Variants in CNST observed in about 807,000 individuals in gnomAD.
CNST encodes consortin, connexin sorting protein.
In CNST, 39 loss-of-function variants were observed where a neutral mutation model predicts 72.4. The ratio of observed to expected loss-of-function variants is 0.54; its 90% CI spans 0.42 to 0.70. The LOEUF (loss-of-function observed/expected upper bound fraction) is 0.70. CNST is among the 30% of genes least tolerant of loss of function. The pLI is 0.00. For synonymous variants in CNST, 332 were observed against 320.1 expected (o/e 1.04, Z -0.40); for missense variants, 871 against 868.5 (o/e 1.00, Z -0.04).
At chr1:246,621,247 CAG>C (rs1247165227) in intron 2 of CNST, among the ~76,000 whole-genome samples, 180 bp from the exon 3 acceptor site, 2 of 152,138 alleles carry the variant, frequency 1.3e-5, no homozygotes, top group African/African-American at 4.8e-5. Context: ...TGTTATCAGA[CAG>C]AGTTTAATCA....
At chr1:246,596,434 T>C (rs908123082) in intron 2 of CNST, among the ~76,000 whole-genome samples, 1 of 151,996 alleles carries the variant, frequency 6.6e-6, no homozygotes, top group African/African-American at 2.4e-5. Context: ...TTTTTCACTG[T>C]AGTTAAAATG....
At chr1:246,661,471 A>G (rs1458085706) in intron 10 of CNST, among the ~76,000 whole-genome samples, 1 of 152,186 alleles carries the variant, frequency 6.6e-6, no homozygotes, top group African/African-American at 2.4e-5. Flanking sequence ...GAAAATATTT[A>G]TGAATATTCT....
chr1:246,585,412 C>T (rs558260956), intron 1 of CNST, among the ~76,000 whole-genome samples: 24 of 151,528 alleles, frequency 1.6e-4, no homozygotes, highest in East Asian at 3.9e-4. Context: ...TTTGGGAGGC[C>T]GAGGCGGGCA....
intron 9 of CNST, among the ~76,000 whole-genome samples, chr1:246,652,747 G>C (rs2103146634): frequency 6.6e-6 from 1 of 152,078 alleles, no homozygotes; most frequent in Middle Eastern, 3.4e-3. Context: ...GCTCACGCCT[G>C]TAATCCCAGC....
At chr1:246,665,313 A>G (rs570611379) in intron 10 of CNST, among the ~76,000 whole-genome samples, 91 of 152,356 alleles carry the variant, frequency 6.0e-4, no homozygotes, top group African/African-American at 2.0e-3. Flanking sequence ...TCAGGGCTGC[A>G]GTGAGCCAAG....
At chr1:246,626,836 T>C (rs548872943) in intron 3 of CNST, among the ~76,000 whole-genome samples, 2 of 152,198 alleles carry the variant, frequency 1.3e-5, no homozygotes, top group South Asian at 4.1e-4. Flanking sequence ...ACTTAAGATG[T>C]ACAAACTCAA....
chr1:246,615,168 T>C (rs532384713), intron 2 of CNST, among the ~76,000 whole-genome samples: 147 of 152,160 alleles, frequency 9.7e-4, no homozygotes, highest in African/African-American at 3.3e-3. Flanking sequence ...CCATGGTTAT[T>C]ACAAAAAAAA....
chr1:246,634,419 T>TA, intron 5 of CNST, 54 bp from the exon 6 acceptor site: 1 of 1,056,472 alleles, frequency 9.5e-7, no homozygotes, highest in Non-Finnish European at 1.4e-6. Context: ...TTTGTTTTTT[T>TA]GCTCCTAAAT....
At chr1:246,604,664 CTTATAT>C (rs908961004) in intron 2 of CNST, among the ~76,000 whole-genome samples, 1 of 151,168 alleles carries the variant, frequency 6.6e-6, no homozygotes, top group African/African-American at 2.5e-5. Flanking sequence ...ATATATAATA[CTTATAT>C]TTATTGTTAT....
intron 2 of CNST, among the ~76,000 whole-genome samples, chr1:246,603,533 C>T (rs1205921033): frequency 1.3e-5 from 2 of 151,976 alleles, no homozygotes; most frequent in African/African-American, 4.8e-5. Flanking sequence ...ATGCGCCTGC[C>T]GCTTAGTTTG....
At chr1:246,658,358 A>G (rs1170822036) in intron 9 of CNST, among the ~76,000 whole-genome samples, 3 of 152,096 alleles carry the variant, frequency 2.0e-5, no homozygotes, top group Non-Finnish European at 4.4e-5. Context: ...CTTTCTTCAT[A>G]TATTTGTACT....
Position 246,631,877 on chromosome 1 carries a change from T to G in CNST, c.586-17T>G. ...GTGTTAATTTAATTTTCTCTGTGTT[T>G]TCTTTGTTTTTAACAGATAGCAGAA... is the stretch of plus-strand genomic sequence containing the variant. On this transcript the variant is annotated splice_polypyrimidine_tract_variant and intron_variant, in intron 3 of 10. Coordinates refer to ENST00000366513, the MANE Select transcript of CNST (RefSeq NM_152609.3). 1 of 1,482,402 alleles carries G rather than the reference T, an allele frequency of 6.7e-7. No individual in the cohort carries two copies. The highest frequency in any genetic ancestry group is 1.4e-5 in the African/African-American group (1 of 71,660). 91.8% of individuals were successfully genotyped at this position (1,482,402 alleles called of 1,614,324 possible).
intron 2 of CNST, among the ~76,000 whole-genome samples, chr1:246,604,099 G>A (rs1161312050): frequency 3.3e-5 from 5 of 152,132 alleles, no homozygotes; most frequent in African/African-American, 4.8e-5. Flanking sequence ...GGGGGTGGTG[G>A]CGCGTGCCTG....
intron 2 of CNST, among the ~76,000 whole-genome samples, chr1:246,616,826 T>G (rs1414411576): frequency 6.6e-6 from 1 of 151,976 alleles, no homozygotes; most frequent in Non-Finnish European, 1.5e-5. Context: ...GTGCTGGGAT[T>G]ACAGGGGTAA....
chr1:246,642,251 T>C (rs2103121700), intron 8 of CNST, among the ~76,000 whole-genome samples: 1 of 151,386 alleles, frequency 6.6e-6, no homozygotes, highest in South Asian at 2.1e-4. Flanking sequence ...TATTAGTAGA[T>C]ACCATAAAAT....
chr1:246,634,085 G>T, intron 5 of CNST, 75 bp downstream of exon 5: 2 of 958,088 alleles, frequency 2.1e-6, no homozygotes, highest in South Asian at 1.4e-5. Context: ...TAACATATTT[G>T]ACCTGGTTTT....
intron 9 of CNST, among the ~76,000 whole-genome samples, chr1:246,652,424 A>T (rs1366340418): frequency 6.6e-6 from 1 of 152,190 alleles, no homozygotes; most frequent in Non-Finnish European, 1.5e-5. Flanking sequence ...TGAATGTTGG[A>T]TACATTTTAC....
At chr1:246,661,591 C>T (rs1199711231) in intron 10 of CNST, among the ~76,000 whole-genome samples, 1 of 152,154 alleles carries the variant, frequency 6.6e-6, no homozygotes, top group African/African-American at 2.4e-5. Context: ...AACTTAAGGC[C>T]CTGACTTGGT....
intron 1 of CNST, among the ~76,000 whole-genome samples, chr1:246,578,449 G>A (rs1422621555): frequency 2.0e-5 from 3 of 151,948 alleles, no homozygotes; most frequent in Non-Finnish European, 4.4e-5. Flanking sequence ...GAGGTGGGCG[G>A]ATCATGAGGT....
Sources: allele counts gnomAD v4.1 joint callset (sites outside exome capture counted in the v4.1 genomes callset), GRCh38; gene constraint gnomAD v4.1.1; transcripts MANE v1.5; gene names NCBI Gene and HGNC (gene_info 2026-07-23, HGNC 2026-07-21).